Variants in LURAP1L observed in about 807,000 individuals in gnomAD.
The protein encoded by LURAP1L is leucine rich adaptor protein 1-like.
LURAP1L carries 12 observed loss-of-function variants against 13.8 expected under a neutral mutation model. That is an observed-to-expected ratio of 0.87 (90% CI 0.56 to 1.41). The LOEUF (loss-of-function observed/expected upper bound fraction) is 1.41, where lower values mean the gene tolerates loss of function less well. LURAP1L is among the 40% of genes most tolerant of loss of function. The pLI, the probability that LURAP1L is intolerant of heterozygous loss-of-function variation, is 0.00. For synonymous variants in LURAP1L, 139 were observed against 119.2 expected (o/e 1.17, Z -1.08); for missense variants, 375 against 292.9 (o/e 1.28, Z -2.04).
intron 1 of LURAP1L, among the ~76,000 whole-genome samples, chr9:12,785,361 C>T (rs2118473106): frequency 6.6e-6 from 1 of 152,218 alleles, no homozygotes; most frequent in Admixed American, 6.5e-5. Flanking sequence ...TCGGCTGGCC[C>T]AGCTGATGTC....
At chr9:12,819,684 G>C (rs1313039671) in intron 1 of LURAP1L, among the ~76,000 whole-genome samples, 2 of 152,182 alleles carry the variant, frequency 1.3e-5, no homozygotes, top group East Asian at 1.9e-4. Context: ...GCCGGACATG[G>C]TGACTCACGC....
intron 1 of LURAP1L, among the ~76,000 whole-genome samples, chr9:12,786,516 T>G (rs1819352590): frequency 8.0e-6 from 1 of 125,670 alleles, no homozygotes; most frequent in Non-Finnish European, 1.6e-5. Flanking sequence ...CCTCTAAAAT[T>G]AGATTAAATG....
intron 1 of LURAP1L, among the ~76,000 whole-genome samples, chr9:12,787,511 G>C (rs1489556511): frequency 2.0e-5 from 3 of 152,080 alleles, no homozygotes; most frequent in Non-Finnish European, 4.4e-5. Flanking sequence ...ACAGGCAAGA[G>C]CATCATAGGA....
At chr9:12,820,146 G>A (rs1300128882) in intron 1 of LURAP1L, among the ~76,000 whole-genome samples, 2 of 152,124 alleles carry the variant, frequency 1.3e-5, no homozygotes, top group East Asian at 3.9e-4. Flanking sequence ...TGTGGGACCT[G>A]CAAAGAGACC....
intron 1 of LURAP1L, among the ~76,000 whole-genome samples, chr9:12,783,172 T>C (rs1819296757): frequency 1.3e-5 from 2 of 152,182 alleles, no homozygotes; most frequent in African/African-American, 4.8e-5. Context: ...TTTGACTTTT[T>C]TTCTTCCCAA....
intron 1 of LURAP1L, among the ~76,000 whole-genome samples, chr9:12,795,370 G>T (rs1262595191): frequency 6.6e-6 from 1 of 151,996 alleles, no homozygotes; most frequent in Non-Finnish European, 1.5e-5. Flanking sequence ...TAAGAGGTCA[G>T]TATTGGAGGA....
intron 1 of LURAP1L, among the ~76,000 whole-genome samples, chr9:12,818,125 TCCA>T (rs903666601): frequency 7.4e-6 from 1 of 135,876 alleles, no homozygotes; most frequent in African/African-American, 3.1e-5. Context: ...ATGTTTTGCT[TCCA>T]CTAAAAAAAA....
At chr9:12,799,989 A>T (rs1376999712) in intron 1 of LURAP1L, among the ~76,000 whole-genome samples, 1 of 152,176 alleles carries the variant, frequency 6.6e-6, no homozygotes, top group Non-Finnish European at 1.5e-5. Context: ...CAGATGAATT[A>T]ACATATATAT....
At chr9:12,789,537 A>T (rs923073249) in intron 1 of LURAP1L, among the ~76,000 whole-genome samples, 6 of 152,186 alleles carry the variant, frequency 3.9e-5, no homozygotes, top group Non-Finnish European at 8.8e-5. Flanking sequence ...TGCCCAAGTA[A>T]GATTTAGCCA....
At chr9:12,814,763 A>G (rs1819782112) in intron 1 of LURAP1L, among the ~76,000 whole-genome samples, 1 of 152,226 alleles carries the variant, frequency 6.6e-6, no homozygotes, top group Non-Finnish European at 1.5e-5. Flanking sequence ...CAGTATTTTT[A>G]TGTATGTAAT....
At chr9:12,799,741 G>A (rs1819558787) in intron 1 of LURAP1L, among the ~76,000 whole-genome samples, 1 of 152,016 alleles carries the variant, frequency 6.6e-6, no homozygotes. Context: ...TAGCCAGGTG[G>A]CAGGCGTCTG....
chr9:12,788,718 T>G (rs1392136293), intron 1 of LURAP1L, among the ~76,000 whole-genome samples: 1 of 152,036 alleles, frequency 6.6e-6, no homozygotes, highest in Non-Finnish European at 1.5e-5. Flanking sequence ...TACCCTATAA[T>G]GTTAACAGTG....
chr9:12,813,744 A>C (rs1205091603), intron 1 of LURAP1L, among the ~76,000 whole-genome samples: 1 of 152,202 alleles, frequency 6.6e-6, no homozygotes, highest in African/African-American at 2.4e-5. Flanking sequence ...TAAAATTCCA[A>C]CATAACCCAT....
chr9:12,807,159 C>T (rs1819671598), intron 1 of LURAP1L, among the ~76,000 whole-genome samples: 1 of 139,884 alleles, frequency 7.1e-6, no homozygotes, highest in African/African-American at 2.6e-5. Flanking sequence ...CCCAGCTACT[C>T]GGGAGCTGAA....
intron 1 of LURAP1L, among the ~76,000 whole-genome samples, chr9:12,814,549 T>A (rs1372323428): frequency 1.3e-5 from 2 of 152,200 alleles, no homozygotes; most frequent in Admixed American, 6.5e-5. Flanking sequence ...ACCTAGAATC[T>A]GATGAAATCA....
intron 1 of LURAP1L, among the ~76,000 whole-genome samples, chr9:12,797,723 G>C (rs1405036992): frequency 1.3e-5 from 2 of 151,934 alleles, no homozygotes; most frequent in Admixed American, 6.6e-5. Context: ...TTACATACTT[G>C]CTTTAATAGA....
At position 12,791,898 on chromosome 9, in the gene LURAP1L, C is replaced by G. The variant is rs114616504; in HGVS notation, c.312+15871C>G. Among the ~76,000 whole-genome samples, 646 of 152,198 alleles carry G rather than the reference C, an allele frequency of 4.2e-3. 4 individuals are homozygous for G. The highest frequency in any genetic ancestry group is 0.015 in the African/African-American group (609 of 41,554). On this transcript the variant is annotated intron_variant, in intron 1 of 1. Coordinates refer to ENST00000319264, the MANE Select transcript of LURAP1L (RefSeq NM_203403.2). ...ATGCCACAATTAATGACTTATGTCACTTTATTTCTGCTGACTTCAGACCTG... is the reference window on the plus strand; with the variant it reads ...ATGCCACAATTAATGACTTATGTCAGTTTATTTCTGCTGACTTCAGACCTG...
intron 1 of LURAP1L, among the ~76,000 whole-genome samples, chr9:12,783,523 G>C (rs1238205435): frequency 6.6e-6 from 1 of 152,102 alleles, no homozygotes; most frequent in African/African-American, 2.4e-5. Context: ...TGCATATGTT[G>C]AACAGTCCTT....
At chr9:12,808,155 T>A (rs1446839562) in intron 1 of LURAP1L, among the ~76,000 whole-genome samples, 1 of 152,060 alleles carries the variant, frequency 6.6e-6, no homozygotes, top group Admixed American at 6.6e-5. Flanking sequence ...TTTTTTTCTT[T>A]CCTAATGCTC....
Sources: gnomAD v4.1 joint callset for allele counts (sites outside exome capture counted in the v4.1 genomes callset) on GRCh38, gnomAD v4.1.1 for gene constraint, MANE v1.5 for transcripts, NCBI Gene and HGNC (gene_info 2026-07-23, HGNC 2026-07-21) for gene names.